GARS1: variants seen among roughly 807,000 people sequenced by gnomAD.
GARS1 encodes the protein glycine--tRNA ligase.
A neutral mutation model predicts 86.4 loss-of-function variants in GARS1; 46 were observed. The ratio of observed to expected loss-of-function variants is 0.53; its 90% CI spans 0.42 to 0.68. The LOEUF is 0.68. Among genes scored for constraint, GARS1 ranks in the 30% least tolerant of loss-of-function variants. The pLI, the probability that GARS1 is intolerant of heterozygous loss-of-function variation, is 0.00. For synonymous variants in GARS1, 342 were observed against 329.8 expected, an observed-to-expected ratio of 1.04 and a Z score of -0.40; for missense variants, 797 against 915.6, an observed-to-expected ratio of 0.87 and a Z score of 1.67.
intron 10 of GARS1, among the ~76,000 whole-genome samples, chr7:30,617,488 A>C (rs1782913066): frequency 6.6e-6 from 1 of 152,158 alleles, no homozygotes; most frequent in African/African-American, 2.4e-5. Flanking sequence ...TGAGAGACAG[A>C]GTTAGTGTAT....
intron 1 of GARS1, among the ~76,000 whole-genome samples, chr7:30,598,573 G>A (rs1463986078): frequency 6.6e-6 from 1 of 151,896 alleles, no homozygotes; most frequent in African/African-American, 2.4e-5. Context: ...ATTTTCAGTA[G>A]CGATGGTGTA....
At chr7:30,615,794 C>T in intron 8 of GARS1, 102 bp from the exon 9 acceptor site, 1 of 1,301,138 alleles carries the variant, frequency 7.7e-7, no homozygotes, top group Non-Finnish European at 1.1e-6. Context: ...TAGTATGGAG[C>T]CTTTATCACT....
At chr7:30,614,709 T>A (rs1782853339) in intron 8 of GARS1, among the ~76,000 whole-genome samples, 1 of 151,960 alleles carries the variant, frequency 6.6e-6, no homozygotes, top group Admixed American at 6.6e-5. Context: ...ACCCTGCCTC[T>A]ACTAAAAATA....
rs1310583206 is a variant in GARS1 at position 30,633,939 on chromosome 7, AAAC to A, written c.*81_*83del. On this transcript the variant is annotated 3_prime_UTR_variant, in exon 17 of 17. Coordinates refer to ENST00000389266, the MANE Select transcript of GARS1 (RefSeq NM_002047.4). ...ACTCTTATGTCCACTTTACAAAAGA[AAAC>A]AGCATTGTGATTACTCCCAGGGACC... 1.5e-5 allele frequency: 23 copies of A among 1,542,266 alleles called. No individual in the cohort carries two copies. The Admixed American group carries it at 3.8e-4, about 25-fold the overall frequency.
chr7:30,604,438 C>T (rs1187205778), intron 6 of GARS1, among the ~76,000 whole-genome samples: 2 of 152,142 alleles, frequency 1.3e-5, no homozygotes, highest in Non-Finnish European at 2.9e-5. Context: ...CGATCTCTCT[C>T]TCTCTCTCTG....
At chr7:30,612,720 A>G (rs1782789530) in intron 8 of GARS1, among the ~76,000 whole-genome samples, 1 of 152,138 alleles carries the variant, frequency 6.6e-6, no homozygotes, top group Non-Finnish European at 1.5e-5. Flanking sequence ...TTCTGGAAAC[A>G]ACCTCCGTCC....
chr7:30,603,913 T>G (rs951255441), intron 6 of GARS1, among the ~76,000 whole-genome samples: 4 of 152,154 alleles, frequency 2.6e-5, no homozygotes, highest in African/African-American at 9.7e-5. Flanking sequence ...GGCAGATAAC[T>G]TGATGAGCAC....
At chr7:30,626,387 G>C (rs1338337908) in intron 13 of GARS1, 68 bp downstream of exon 13, 1 of 991,748 alleles carries the variant, frequency 1.0e-6, no homozygotes, top group African/African-American at 1.6e-5. Context: ...TTTGAGACAG[G>C]GTCTTGCTCT....
chr7:30,630,833 T>C (rs1233469395), intron 14 of GARS1, among the ~76,000 whole-genome samples: 2 of 152,220 alleles, frequency 1.3e-5, no homozygotes, highest in Non-Finnish European at 2.9e-5. Context: ...CTTTGATTTC[T>C]GAGTTACTCA....
rs767941557 is a variant in GARS1, at chr7:30,616,453, A to G, written c.1194+395A>G. On this transcript the variant is annotated intron_variant, in intron 9 of 16. Coordinates refer to ENST00000389266, the MANE Select transcript of GARS1 (RefSeq NM_002047.4). ...AGCAGTGGAATAAGGCCTTGCATAT[A>G]AGCACTTTGTAAATATTTGCCTGGA... 8.5e-5 allele frequency among the ~76,000 whole-genome samples: 13 copies of G among 152,178 alleles called. 1 individual carries two copies. The highest frequency in any genetic ancestry group is 1.5e-4 in the Non-Finnish European group (10 of 68,032).
rs78534755 is a variant in GARS1 at position 30,629,821 on chromosome 7, G to T, written c.1809+1152G>T. On this transcript the variant is annotated intron_variant, in intron 14 of 16. Coordinates refer to ENST00000389266, the MANE Select transcript of GARS1 (RefSeq NM_002047.4). ...GCAAACATAAGGCTTGGTTCTTTTT[G>T]AGAAATGATGACAAACATAACTGCA... Among the ~76,000 whole-genome samples, 64 of 152,314 alleles carry T rather than the reference G, an allele frequency of 4.2e-4. 1 individual carries two copies. The East Asian group carries it at 9.6e-3, about 23-fold the overall frequency.
chr7:30,616,013 C>CAAAAGCCCA lies in GARS1; in HGVS notation c.1149_1150insAAAAGCCCA (p.Ser383_Gly384insLysSerPro). Reference sequence around the variant, plus strand: ...TGTATTCAGCAAAAGCCCAGGTCAGCGGACAGTCCGCTCGGAAAATGCGCC... The same window carrying CAAAAGCCCA: ...TGTATTCAGCAAAAGCCCAGGTCAGCAAAAGCCCAGGACAGTCCGCTCGGAAAATGCGCC... On this transcript the variant is annotated inframe_insertion, in exon 9 of 17. Transcript: ENST00000389266. 1 of 1,614,142 alleles carries CAAAAGCCCA rather than the reference C, an allele frequency of 6.2e-7. No individual in the cohort carries two copies. Among genetic ancestry groups the CAAAAGCCCA allele is most frequent in the Middle Eastern group, 1.7e-4 (1 of 6,060 alleles).
intron 1 of GARS1, 101 bp from the exon 2 acceptor site, chr7:30,598,695 A>C: frequency 1.0e-6 from 1 of 984,668 alleles, no homozygotes; most frequent in Non-Finnish European, 1.6e-6. Context: ...GAATTGCATC[A>C]TTCTTACATA....
chr7:30,616,006 A>G lies in GARS1; in HGVS notation c.1142A>G (p.Gln381Arg). Residue 381 changes from glutamine (Q) to arginine (R), a missense_variant, in exon 9 of 17, where the codon CAG becomes CGG. By Grantham distance (43) the Gln-to-Arg change is conservative. Around this residue, in one of 2 missense-constraint regions of GARS1, gnomAD observed 598 missense variants for 738.7 expected, o/e 0.81. Coordinates refer to ENST00000389266, the MANE Select transcript of GARS1 (RefSeq NM_002047.4). The stretch of plus-strand genomic sequence containing the variant: ...CTTTATTTGTATTCAGCAAAAGCCC[A>G]GGTCAGCGGACAGTCCGCTCGGAAA... ...LHLYLYSAKAQVSGQSARKMR... is the reference protein window; with the variant it reads ...LHLYLYSAKARVSGQSARKMR... 6.2e-7 allele frequency: 1 copy of G among 1,614,250 alleles called. No individual in the cohort carries two copies. The highest frequency in any genetic ancestry group is 8.5e-7 in the Non-Finnish European group (1 of 1,180,046).
In GARS1 at chr7:30,603,097, T is replaced by C. The variant is rs373018941; in HGVS notation, c.633T>C (p.Cys211=). The C allele has an allele frequency of 1.9e-6, 3 of 1,613,726 alleles. No individual in the cohort carries two copies. In the African/African-American group the frequency reaches 4.0e-5, roughly 22 times the overall value. ...FMVKDVKNGE[C]FRADHLLKAH... ...TGAAAGACGTAAAAAATGGAGAATG[T>C]TTTCGTGCTGACCATCTATTAAAAG... The change falls in exon 5 of 17, where the codon TGT becomes TGC. Residue 211 remains cysteine (C), a synonymous_variant. Transcript: ENST00000389266.
intron 7 of GARS1, among the ~76,000 whole-genome samples, chr7:30,611,691 T>TA (rs2128133952): frequency 6.6e-6 from 1 of 152,062 alleles, no homozygotes; most frequent in East Asian, 1.9e-4. Flanking sequence ...TCCATGTTGG[T>TA]CAGGCTGATC....
intron 8 of GARS1, 103 bp from the exon 9 acceptor site, chr7:30,615,793 G>A: frequency 4.6e-6 from 6 of 1,300,246 alleles, no homozygotes; most frequent in Non-Finnish European, 6.5e-6. Context: ...ATAGTATGGA[G>A]CCTTTATCAC....
chr7:30,625,300 G>A (rs1262298297), intron 12 of GARS1, among the ~76,000 whole-genome samples: 2 of 152,188 alleles, frequency 1.3e-5, no homozygotes, highest in Non-Finnish European at 2.9e-5. Flanking sequence ...TGCTCACAGA[G>A]AGAATGCATG....
intron 12 of GARS1, among the ~76,000 whole-genome samples, chr7:30,623,095 C>T (rs1444345582): frequency 1.7e-4 from 23 of 138,240 alleles, no homozygotes; most frequent in African/African-American, 4.2e-4. Flanking sequence ...AGTGAGACTC[C>T]GTCTCAAAAA....
Sources: allele counts gnomAD v4.1 joint callset (sites outside exome capture counted in the v4.1 genomes callset), GRCh38; gene constraint gnomAD v4.1.1; regional missense constraint gnomAD v4.1.1; transcripts MANE v1.5; gene names NCBI Gene and HGNC (gene_info 2026-07-23, HGNC 2026-07-21).